Variants in MAF observed in about 807,000 individuals in gnomAD.
MAF encodes the protein transcription factor Maf.
Under a neutral mutation model 22.0 loss-of-function variants are expected in MAF, and 10 were observed. That is an observed-to-expected ratio of 0.45 (90% CI 0.28 to 0.77). MAF has a LOEUF of 0.77. Ranked by LOEUF, MAF falls within the 30% of genes least tolerant of loss-of-function variation. MAF has a pLI of 0.12. For synonymous variants in MAF, 337 were observed against 255.8 expected, an observed-to-expected ratio of 1.32 and a Z score of -3.03; for missense variants, 544 against 548.4, an observed-to-expected ratio of 0.99 and a Z score of 0.08.
At chr16:79,409,111 A>T in the MAF span, among the ~76,000 whole-genome samples, 1 of 152,154 alleles carries the variant, frequency 6.6e-6, no homozygotes. Context: ...AGGATGATCA[A>T]ACAAAAGGTG....
At chr16:79,253,175 C>T in the MAF span, among the ~76,000 whole-genome samples, 4 of 152,104 alleles carry the variant, frequency 2.6e-5, no homozygotes, top group African/African-American at 7.2e-5. Context: ...ACAGCCCTGA[C>T]GCAAGGATGC....
chr16:79,326,884 G>A, the MAF span, among the ~76,000 whole-genome samples: 1 of 152,212 alleles, frequency 6.6e-6, no homozygotes, highest in African/African-American at 2.4e-5. Context: ...CCTCTGAACA[G>A]GAAATGAATA....
downstream of MAF, among the ~76,000 whole-genome samples, chr16:79,590,093 C>G (rs372993731): frequency 2.0e-5 from 3 of 152,306 alleles, no homozygotes; most frequent in East Asian, 3.9e-4. Flanking sequence ...CACACCCAGC[C>G]CCACGCAGCT....
chr16:79,445,251 G>A, the MAF span, among the ~76,000 whole-genome samples: 8 of 151,296 alleles, frequency 5.3e-5, no homozygotes, highest in Non-Finnish European at 1.0e-4. Context: ...CACCATGTTA[G>A]CCAGGATGGT....
the MAF span, among the ~76,000 whole-genome samples, chr16:79,261,288 G>C: frequency 5.3e-5 from 8 of 152,146 alleles, no homozygotes; most frequent in African/African-American, 1.9e-4. Flanking sequence ...GAGTAGCTGG[G>C]ATTACAGGCA....
chr16:79,294,944 T>C, the MAF span, among the ~76,000 whole-genome samples: 5 of 152,178 alleles, frequency 3.3e-5, no homozygotes, highest in Non-Finnish European at 5.9e-5. Context: ...TTTCCATCAG[T>C]TGTCACAGTT....
chr16:79,506,647 G>A, the MAF span, among the ~76,000 whole-genome samples: 1 of 152,188 alleles, frequency 6.6e-6, no homozygotes, highest in African/African-American at 2.4e-5. Flanking sequence ...ACTTTTCACA[G>A]GAGGGGCTGG....
At chr16:79,231,643 G>C in the MAF span, among the ~76,000 whole-genome samples, 10 of 152,130 alleles carry the variant, frequency 6.6e-5, no homozygotes, top group East Asian at 1.9e-3. Flanking sequence ...AAGCAGGAAA[G>C]AATTACAAAG....
At chr16:79,572,826 C>T in the MAF span, among the ~76,000 whole-genome samples, 1 of 152,148 alleles carries the variant, frequency 6.6e-6, no homozygotes, top group African/African-American at 2.4e-5. Context: ...ATCCAAAGTG[C>T]TGTATTGAAT....
the MAF span, among the ~76,000 whole-genome samples, chr16:79,392,425 G>A: frequency 3.3e-5 from 5 of 149,716 alleles, no homozygotes; most frequent in Admixed American, 1.3e-4. Flanking sequence ...AAAAAGGAGA[G>A]GAGAAAGGGA....
chr16:79,529,680 G>C, the MAF span, among the ~76,000 whole-genome samples: 1 of 152,188 alleles, frequency 6.6e-6, no homozygotes, highest in Admixed American at 6.5e-5. Context: ...ATTATTTTAG[G>C]CTGGGCGCGG....
the MAF span, among the ~76,000 whole-genome samples, chr16:79,336,173 C>G: frequency 6.6e-6 from 1 of 152,104 alleles, no homozygotes; most frequent in Non-Finnish European, 1.5e-5. Flanking sequence ...CTTCAGGTGT[C>G]TCATCTAAAA....
At chr16:79,365,379 G>C in the MAF span, among the ~76,000 whole-genome samples, 2 of 152,206 alleles carry the variant, frequency 1.3e-5, no homozygotes, top group Admixed American at 6.5e-5. Flanking sequence ...TGACTAGAAA[G>C]TGGAGTTGAA....
chr16:79,431,844 G>A, the MAF span, among the ~76,000 whole-genome samples: 13 of 152,330 alleles, frequency 8.5e-5, no homozygotes, highest in African/African-American at 3.1e-4. Flanking sequence ...GCAAGTGAAT[G>A]CTCAGCAGGA....
chr16:79,391,779 C>T, the MAF span, among the ~76,000 whole-genome samples: 4 of 151,990 alleles, frequency 2.6e-5, no homozygotes, highest in South Asian at 4.1e-4. Flanking sequence ...CATCTGCTAC[C>T]GGAGAGGCCC....
chr16:79,309,419 C>T, the MAF span, among the ~76,000 whole-genome samples: 7 of 152,332 alleles, frequency 4.6e-5, no homozygotes, highest in African/African-American at 7.2e-5. Context: ...TCATACCCCA[C>T]TTCTTTTCTG....
At chr16:79,378,154 C>G in the MAF span, among the ~76,000 whole-genome samples, 1 of 152,098 alleles carries the variant, frequency 6.6e-6, no homozygotes, top group African/African-American at 2.4e-5. Context: ...TTCTTCCTAC[C>G]CATGAGCACT....
chr16:79,292,695 T>C, the MAF span, among the ~76,000 whole-genome samples: 1 of 152,114 alleles, frequency 6.6e-6, no homozygotes, highest in African/African-American at 2.4e-5. Context: ...CAGGATGAGA[T>C]ACAAGGTTAG....
At chr16:79,445,514 C>G in the MAF span, among the ~76,000 whole-genome samples, 2 of 152,116 alleles carry the variant, frequency 1.3e-5, no homozygotes, top group Non-Finnish European at 2.9e-5. Flanking sequence ...GATTCAAAAC[C>G]CTTAGAAGGC....
Sources: gnomAD v4.1 joint callset for allele counts (sites outside exome capture counted in the v4.1 genomes callset) on GRCh38, gnomAD v4.1.1 for gene constraint, MANE v1.5 for transcripts, NCBI Gene and HGNC (gene_info 2026-07-23, HGNC 2026-07-21) for gene names.